Variants in CNKSR3 observed in about 807,000 individuals in gnomAD.
The protein encoded by CNKSR3 is connector enhancer of kinase suppressor of ras 3.
Under a neutral mutation model 67.7 loss-of-function variants are expected in CNKSR3, and 36 were observed. The observed-to-expected ratio is 0.53, with a 90% CI of 0.41 to 0.70. The LOEUF (loss-of-function observed/expected upper bound fraction) is 0.70, where lower values mean the gene tolerates loss of function less well. Among genes scored for constraint, CNKSR3 ranks in the 30% least tolerant of loss-of-function variants. The pLI, the probability that CNKSR3 is intolerant of heterozygous loss-of-function variation, is 0.00. For synonymous variants in CNKSR3, 281 were observed against 271.4 expected (o/e 1.04, Z -0.35); for missense variants, 630 against 695.2 (o/e 0.91, Z 1.05).
intron 9 of CNKSR3, among the ~76,000 whole-genome samples, chr6:154,420,870 G>A (rs1785130453): frequency 6.6e-6 from 1 of 152,098 alleles, no homozygotes; most frequent in Non-Finnish European, 1.5e-5. Context: ...AAAACATTGT[G>A]TTGTACAATA....
chr6:154,463,216 C>A (rs1786120342), intron 1 of CNKSR3, among the ~76,000 whole-genome samples: 1 of 151,466 alleles, frequency 6.6e-6, no homozygotes, highest in Non-Finnish European at 1.5e-5. Flanking sequence ...ACTACAGGCG[C>A]CCACCACCAC....
intron 2 of CNKSR3, among the ~76,000 whole-genome samples, chr6:154,449,617 G>T (rs145415210): frequency 6.6e-6 from 1 of 152,200 alleles, no homozygotes; most frequent in Admixed American, 6.5e-5. Flanking sequence ...GAGCCACTGC[G>T]CCTCGCCAGA....
rs1280863139 is a variant in CNKSR3 at position 154,403,451 on chromosome 6, T to A, written c.*2903A>T. The stretch of plus-strand genomic sequence containing the variant: ...TTTTTAAAGAAATAAAAATAAAGAA[T>A]CCTGTCAAAAAGCATCATCAAGCAA... On this transcript the variant is annotated 3_prime_UTR_variant, in exon 13 of 13. Transcript: ENST00000607772. 1 of 151,294 alleles carries A rather than the reference T, an allele frequency of 6.6e-6. No individual in the cohort carries two copies. Among genetic ancestry groups the A allele is most frequent in the African/African-American group, 2.4e-5 (1 of 41,166 alleles). The allele number at this position is 151,294 out of a possible 1,614,324, so 9.4% of individuals were successfully genotyped here. A position where few individuals can be genotyped will look rare whatever the true frequency, so the allele number is the denominator to read the frequency against.
At chr6:154,434,486 C>T (rs971915934) in intron 4 of CNKSR3, among the ~76,000 whole-genome samples, 17 of 152,162 alleles carry the variant, frequency 1.1e-4, no homozygotes, top group African/African-American at 3.1e-4. Flanking sequence ...TCACGTCAAT[C>T]AAAAAGTCAT....
At chr6:154,416,892 G>T (rs1785035323) in intron 9 of CNKSR3, among the ~76,000 whole-genome samples, 2 of 152,152 alleles carry the variant, frequency 1.3e-5, no homozygotes. Flanking sequence ...AGGAGTCTCT[G>T]TCTCTCACCA....
chr6:154,480,237 T>A (rs549775774), intron 1 of CNKSR3, among the ~76,000 whole-genome samples: 16 of 152,332 alleles, frequency 1.1e-4, no homozygotes, highest in Non-Finnish European at 1.9e-4. Context: ...CTGGGCACTC[T>A]CTCCTGCTGT....
chr6:154,425,128 C>G (rs548385125), intron 7 of CNKSR3, among the ~76,000 whole-genome samples: 1 of 152,188 alleles, frequency 6.6e-6, no homozygotes, highest in South Asian at 2.1e-4. Context: ...CCTTTTTGTC[C>G]CTGTGTGCCA....
chr6:154,486,484 A>G lies in CNKSR3; in HGVS notation c.52+23579T>C, dbSNP rs181221262. Among the ~76,000 whole-genome samples the G allele has an allele frequency of 1.5e-4, 20 of 136,634 alleles. 2 individuals carry two copies. Among genetic ancestry groups the G allele is most frequent in the Admixed American group, 1.2e-3 (17 of 14,304 alleles). 89.6% of individuals were successfully genotyped at this position (136,634 alleles called of 152,430 possible). Reference sequence around the variant, plus strand: ...GCTAATTTTTATTTTATTTTATTTTATTTTATTTTATTTTATCTTATTTTT... The same window carrying G: ...GCTAATTTTTATTTTATTTTATTTTGTTTTATTTTATTTTATCTTATTTTT... On this transcript the variant is annotated intron_variant, in intron 1 of 12. Coordinates refer to ENST00000607772, the MANE Select transcript of CNKSR3 (RefSeq NM_173515.4).
At chr6:154,451,524 T>A (rs1186476218) in intron 1 of CNKSR3, among the ~76,000 whole-genome samples, 2 of 95,306 alleles carry the variant, frequency 2.1e-5, no homozygotes, top group Non-Finnish European at 4.1e-5. Flanking sequence ...CGCACACTCG[T>A]GCACACACGC....
At position 154,397,829 on chromosome 6, in the gene CNKSR3, G is replaced by A. The variant is rs1348238123; in HGVS notation, c.*8525C>T. The A allele has an allele frequency of 2.0e-5, 3 of 152,254 alleles. No homozygotes were observed. Among genetic ancestry groups the A allele is most frequent in the Non-Finnish European group, 2.9e-5 (2 of 68,204 alleles). The allele number at this position is 152,254 out of a possible 1,614,324, so 9.4% of individuals were successfully genotyped here. On this transcript the variant is annotated 3_prime_UTR_variant, in exon 13 of 13. Transcript: ENST00000607772. ...GGAATTAACAGGGTAGGCCCTGGAA[G>A]ATGAGTAAAAGCAAATCTGCGGCCA...
intron 7 of CNKSR3, among the ~76,000 whole-genome samples, chr6:154,426,460 A>G (rs1410579887): frequency 1.3e-5 from 2 of 151,986 alleles, no homozygotes; most frequent in Non-Finnish European, 1.5e-5. Flanking sequence ...GGTTCAAGCA[A>G]TTCTCCTGCC....
At chr6:154,458,110 AAT>A (rs1483252308) in intron 1 of CNKSR3, among the ~76,000 whole-genome samples, 1 of 152,196 alleles carries the variant, frequency 6.6e-6, no homozygotes, top group African/African-American at 2.4e-5. Context: ...GGCAGAGTTG[AAT>A]AGCTGTGATA....
intron 1 of CNKSR3, among the ~76,000 whole-genome samples, chr6:154,501,633 A>C (rs140801098): frequency 2.1e-5 from 3 of 144,376 alleles, no homozygotes; most frequent in Admixed American, 1.4e-4. Context: ...TTCATGCCTA[A>C]ATGTCACCTC....
At position 154,389,655 on chromosome 6, in the gene CNKSR3, A is replaced by T. The variant is rs576280215; in HGVS notation, c.*16699T>A. 5 of 143,232 alleles carry T rather than the reference A, an allele frequency of 3.5e-5. No homozygotes were observed. Among genetic ancestry groups the T allele is most frequent in the African/African-American group, 1.4e-4 (5 of 36,870 alleles). The allele number at this position is 143,232 out of a possible 1,614,324, so 8.9% of individuals were successfully genotyped here. On this transcript the variant is annotated 3_prime_UTR_variant, in exon 13 of 13. Coordinates refer to ENST00000607772, the MANE Select transcript of CNKSR3 (RefSeq NM_173515.4). ...ATCGTCTCATATATAGAACGCCCTA[A>T]GACTCCATTTTTTAAACATGTTAGA...
intron 1 of CNKSR3, among the ~76,000 whole-genome samples, chr6:154,489,366 A>T (rs1786737530): frequency 6.6e-6 from 1 of 152,144 alleles, no homozygotes; most frequent in African/African-American, 2.4e-5. Flanking sequence ...CCACATCTCG[A>T]CTAAAAATAC....
chr6:154,507,864 T>C (rs1787134196), intron 1 of CNKSR3, among the ~76,000 whole-genome samples: 1 of 152,126 alleles, frequency 6.6e-6, no homozygotes, highest in Admixed American at 6.5e-5. Context: ...AACAAAAACG[T>C]TTTAATCTAC....
At chr6:154,476,344 C>G (rs1219317494) in intron 1 of CNKSR3, among the ~76,000 whole-genome samples, 1 of 151,654 alleles carries the variant, frequency 6.6e-6, no homozygotes, top group African/African-American at 2.4e-5. Context: ...GTAACCCCAG[C>G]TACTTGGGAG....
intron 1 of CNKSR3, among the ~76,000 whole-genome samples, chr6:154,487,021 C>T (rs1786687902): frequency 1.3e-5 from 2 of 152,210 alleles, no homozygotes; most frequent in South Asian, 4.2e-4. Context: ...AAGTGATTCT[C>T]CTGCCTCAGC....
chr6:154,474,768 G>A lies in CNKSR3; in HGVS notation c.53-24510C>T, dbSNP rs191693943. 1.5e-3 allele frequency among the ~76,000 whole-genome samples: 235 copies of A among 152,282 alleles called. 2 individuals carry two copies. The highest frequency in any genetic ancestry group is 5.5e-3 in the African/African-American group (229 of 41,552). On this transcript the variant is annotated intron_variant, in intron 1 of 12. Coordinates refer to ENST00000607772, the MANE Select transcript of CNKSR3 (RefSeq NM_173515.4). Reference sequence around the variant, plus strand: ...ATGAAAGGCAAAAACTAGCCAAAGAGGGTGCCAAGGGTTTGGACCAGGTTC... The same window carrying A: ...ATGAAAGGCAAAAACTAGCCAAAGAAGGTGCCAAGGGTTTGGACCAGGTTC...
Sources: allele counts gnomAD v4.1 joint callset (sites outside exome capture counted in the v4.1 genomes callset), GRCh38; gene constraint gnomAD v4.1.1; transcripts MANE v1.5; gene names NCBI Gene and HGNC (gene_info 2026-07-23, HGNC 2026-07-21).